The following LPCAT4 variants were observed in gnomAD, a reference collection of about 807,000 sequenced individuals.
The protein encoded by LPCAT4 is lysophosphatidylcholine acyltransferase 4.
In LPCAT4, 30 loss-of-function variants were observed where a neutral mutation model predicts 66.5. That is an observed-to-expected ratio of 0.45 (90% CI 0.34 to 0.61). LPCAT4 has a LOEUF of 0.61. Ranked by LOEUF, LPCAT4 falls within the 20% of genes least tolerant of loss-of-function variation. LPCAT4 has a pLI of 0.01. For synonymous variants in LPCAT4, 253 were observed against 262.1 expected (o/e 0.97, Z 0.34); for missense variants, 557 against 656.7 (o/e 0.85, Z 1.66).
At position 34,362,822 on chromosome 15, in the gene LPCAT4, C is replaced by T; in HGVS notation, c.761G>A (p.Trp254Ter). Reference sequence around the variant, plus strand: ...GCTGCAGGGCTGAGAGGCTGTGAGCCAGAGGACTTTGAGTCTAAGAGAAGA... The same window carrying T: ...GCTGCAGGGCTGAGAGGCTGTGAGCTAGAGGACTTTGAGTCTAAGAGAAGA... ...WRGPGVLKVL[W>*]LTASQPCSIV... Residue 254 changes from tryptophan (W) to a stop codon, truncating the protein, a stop_gained, in exon 8 of 14, where the codon TGG becomes TAG. Coordinates refer to ENST00000314891, the MANE Select transcript of LPCAT4 (RefSeq NM_153613.3). LOFTEE classifies it high-confidence loss of function. The T allele has an allele frequency of 6.2e-7, 1 of 1,614,200 alleles. No individual in the cohort carries two copies. Among genetic ancestry groups the T allele is most frequent in the Non-Finnish European group, 8.5e-7 (1 of 1,180,042 alleles).
In LPCAT4 at chr15:34,360,093, A is replaced by G; in HGVS notation, c.1242+18T>C. 1.8e-6 allele frequency: 2 copies of G among 1,131,644 alleles called. No homozygotes were observed. Among genetic ancestry groups the G allele is most frequent in the Non-Finnish European group, 1.3e-6 (1 of 757,572 alleles). 70.1% of individuals were successfully genotyped at this position (1,131,644 alleles called of 1,614,324 possible). ...GCATAGCCACTAAGCACCCCCCACC[A>G]CCGCCACCCCCCATTACCTCAAAGG... On this transcript the variant is annotated intron_variant, in intron 12 of 13. Transcript: ENST00000314891.
At chr15:34,362,348 A>G in intron 9 of LPCAT4, 27 bp from the exon 10 acceptor site, 1 of 1,613,050 alleles carries the variant, frequency 6.2e-7, no homozygotes, top group African/African-American at 1.3e-5. Context: ...GATGGGATGG[A>G]GGGTAAGGAA....
chr15:34,364,932 A>T, intron 3 of LPCAT4, 76 bp downstream of exon 3: 1 of 1,263,528 alleles, frequency 7.9e-7, no homozygotes, highest in Non-Finnish European at 1.1e-6. Flanking sequence ...CCAGTTCTTC[A>T]CTCCAGTGTC....
chr15:34,361,112 T>G, intron 11 of LPCAT4: 1 of 1,081,194 alleles, frequency 9.2e-7, no homozygotes, highest in Non-Finnish European at 1.2e-6. Flanking sequence ...CAAAAGGTCT[T>G]ATGATTCCCC....
chr15:34,359,877 C>T (rs1595617550), intron 12 of LPCAT4, 132 bp from the exon 13 acceptor site: 1 of 949,268 alleles, frequency 1.1e-6, no homozygotes, highest in Non-Finnish European at 1.6e-6. Context: ...CCTCCAGTGC[C>T]CTTTCTGCAG....
chr15:34,365,353 A>AG, intron 2 of LPCAT4, 125 bp from the exon 3 acceptor site: 1 of 1,217,356 alleles, frequency 8.2e-7, no homozygotes, highest in African/African-American at 1.5e-5. Flanking sequence ...CCAAGGGGCC[A>AG]AGGTCTCTGG....
intron 1 of LPCAT4, 131 bp downstream of exon 1, chr15:34,366,856 C>G (rs912121488): frequency 3.5e-5 from 50 of 1,417,838 alleles, no homozygotes; most frequent in Admixed American, 8.3e-5. Context: ...TGCGCACCCC[C>G]GGACTCCCGC....
At chr15:34,360,350 T>A (rs1890914144) in intron 11 of LPCAT4, 141 bp from the exon 12 acceptor site, 4 of 645,804 alleles carry the variant, frequency 6.2e-6, no homozygotes, top group Admixed American at 2.7e-5. Flanking sequence ...AGCTCCAAAC[T>A]CTTTAGGATC....
In LPCAT4 at chr15:34,361,253, T is replaced by C. The variant is rs1471351725; in HGVS notation, c.1143+147A>G. On this transcript the variant is annotated intron_variant, in intron 11 of 13. Transcript: ENST00000314891. Reference sequence around the variant, plus strand: ...GCCTGATTAAAAAATGAATCTTCAGTGGATCTCAGGGGATGGCCATCTAAC... The same window carrying C: ...GCCTGATTAAAAAATGAATCTTCAGCGGATCTCAGGGGATGGCCATCTAAC... 2.0e-6 allele frequency: 3 copies of C among 1,500,568 alleles called. No individual in the cohort carries two copies. In the African/African-American group the frequency reaches 4.2e-5, roughly 21 times the overall value. The allele number at this position is 1,500,568 out of a possible 1,614,324, so 93.0% of individuals were successfully genotyped here.
At position 34,362,556 on chromosome 15, in the gene LPCAT4, G is replaced by T. The variant is rs1311132738; in HGVS notation, c.884+17C>A. 1 of 1,536,080 alleles carries T rather than the reference G, an allele frequency of 6.5e-7. No individual in the cohort carries two copies. Among genetic ancestry groups the T allele is most frequent in the East Asian group, 2.3e-5 (1 of 44,250 alleles). On this transcript the variant is annotated intron_variant, in intron 9 of 13. Coordinates refer to ENST00000314891, the MANE Select transcript of LPCAT4 (RefSeq NM_153613.3). The stretch of plus-strand genomic sequence containing the variant: ...CCCTGTGCAACTGCTCCAGGAAATA[G>T]TTTGTGGGGCACTCACTGTGCCATG...
intron 13 of LPCAT4, 35 bp from the exon 14 acceptor site, chr15:34,359,337 TC>T: frequency 6.8e-7 from 1 of 1,464,590 alleles, no homozygotes; most frequent in Non-Finnish European, 9.0e-7. Flanking sequence ...AGTGAAAAGA[TC>T]TAAGAACGAG....
rs1193057186 is a variant in LPCAT4, at chr15:34,362,833, G to C, written c.750C>G (p.Leu250=). 3 of 1,614,002 alleles carry C rather than the reference G, an allele frequency of 1.9e-6. No homozygotes were observed. The highest frequency in any genetic ancestry group is 2.7e-5 in the African/African-American group (2 of 74,906). Residue 250 remains leucine, a synonymous_variant, in exon 8 of 14, where the codon CTC becomes CTG. Transcript: ENST00000314891. ...TSWAWRGPGV[L]KVLWLTASQP... is the part of the protein sequence containing the mutation. ...GAGAGGCTGTGAGCCAGAGGACTTT[G>C]AGTCTAAGAGAAGAGAGATTTCGAT... is the stretch of plus-strand genomic sequence containing the variant.
At position 34,367,125 on chromosome 15, in the gene LPCAT4, C is replaced by CACCCCGGCCCTG; in HGVS notation, c.-37_-26dup. Reference sequence around the variant, plus strand: ...TGGCGGGAGAAGGTGGGAGGGAGGGCACCCCGGCCCTGGCCCCGGCCACCA... The same window carrying CACCCCGGCCCTG: ...TGGCGGGAGAAGGTGGGAGGGAGGGCACCCCGGCCCTGACCCCGGCCCTGGCCCCGGCCACCA... On this transcript the variant is annotated 5_prime_UTR_variant, in exon 1 of 14. Coordinates refer to ENST00000314891, the MANE Select transcript of LPCAT4 (RefSeq NM_153613.3). 7.3e-6 allele frequency: 11 copies of CACCCCGGCCCTG among 1,515,408 alleles called. No individual in the cohort carries two copies. Among genetic ancestry groups the CACCCCGGCCCTG allele is most frequent in the Non-Finnish European group, 9.7e-6 (11 of 1,130,540 alleles). 93.9% of individuals were successfully genotyped at this position (1,515,408 alleles called of 1,614,324 possible). A position where few individuals can be genotyped will look rare whatever the true frequency, so the allele number is the denominator to read the frequency against.
At position 34,362,608 on chromosome 15, in the gene LPCAT4, G is replaced by T; in HGVS notation, c.849C>A (p.Thr283=). The T allele has an allele frequency of 1.3e-6, 2 of 1,569,502 alleles. No homozygotes were observed. The change falls in exon 9 of 14, where the codon ACC becomes ACA. Residue 283 remains threonine, a synonymous_variant. Transcript: ENST00000314891. ...CCCTCTGAACATTGTTGGCATAGAG[G>T]GTGGGGTCCCTGCTCTCCTCAGGGC... ...HPSPEESRDP[T]LYANNVQRVM...
At chr15:34,364,399 T>G in intron 3 of LPCAT4, 93 bp from the exon 4 acceptor site, 1 of 724,482 alleles carries the variant, frequency 1.4e-6, no homozygotes, top group Non-Finnish European at 2.3e-6. Context: ...GCATGAGAAG[T>G]TTCTGTTATC....
chr15:34,363,005 T>C lies in LPCAT4; in HGVS notation c.747-169A>G. ...ACAGTCAGGTGGGTGAATATGCAGT[T>C]GGGAGACACAAGGAACGGCCAGAAA... On this transcript the variant is annotated intron_variant, in intron 7 of 13. Coordinates refer to ENST00000314891, the MANE Select transcript of LPCAT4 (RefSeq NM_153613.3). This position sits in a 1 kb window ranked among gnomAD's most constrained non-coding sequence, Gnocchi z 4.3. 1.5e-6 allele frequency: 1 copy of C among 686,876 alleles called. No individual in the cohort carries two copies. The highest frequency in any genetic ancestry group is 2.6e-6 in the Non-Finnish European group (1 of 390,380). The allele number at this position is 686,876 out of a possible 1,614,324, so 42.5% of individuals were successfully genotyped here.
At chr15:34,364,977 C>G (rs754586843) in intron 3 of LPCAT4, 31 bp downstream of exon 3, 1 of 1,573,912 alleles carries the variant, frequency 6.4e-7, no homozygotes, top group Non-Finnish European at 8.7e-7. Flanking sequence ...GAGTTGTCAC[C>G]CTGCCCTTCA....
chr15:34,362,121 C>T, intron 10 of LPCAT4, 75 bp downstream of exon 10: 4 of 1,536,016 alleles, frequency 2.6e-6, no homozygotes, highest in Non-Finnish European at 3.5e-6. Context: ...TCTTCCTTCT[C>T]ATTTCTCCCC....
rs1490991210 is a variant in LPCAT4 at position 34,366,954 on chromosome 15, G to T, written c.114+33C>A. Reference sequence around the variant, plus strand: ...AATGGCCCCATTTTCCTATCCTCACGGGTCCTTCCGACGCCCGCTCCCCAC... The same window carrying T: ...AATGGCCCCATTTTCCTATCCTCACTGGTCCTTCCGACGCCCGCTCCCCAC... On this transcript the variant is annotated intron_variant, in intron 1 of 13. Coordinates refer to ENST00000314891, the MANE Select transcript of LPCAT4 (RefSeq NM_153613.3). 4 of 1,540,298 alleles carry T rather than the reference G, an allele frequency of 2.6e-6. No homozygotes were observed. In the African/African-American group the frequency reaches 4.1e-5, roughly 16 times the overall value.
Sources: gnomAD v4.1 joint callset for allele counts on GRCh38, gnomAD v4.1.1 for gene constraint, Gnocchi (gnomAD v3.1) non-coding constraint, MANE v1.5 for transcripts, NCBI Gene and HGNC (gene_info 2026-07-23, HGNC 2026-07-21) for gene names.